The following HMCES variants were observed in gnomAD, a reference collection of about 807,000 sequenced individuals.
The protein encoded by HMCES is abasic site processing protein HMCES.
A neutral mutation model predicts 35.1 loss-of-function variants in HMCES; 27 were observed. That is an observed-to-expected ratio of 0.77 (90% CI 0.57 to 1.06). The LOEUF is 1.06. Among genes scored for constraint, HMCES ranks in the 50% least tolerant of loss-of-function variants. The pLI is 0.00. For synonymous variants in HMCES, 130 were observed against 154.7 expected (o/e 0.84, Z 1.18); for missense variants, 391 against 430.4 (o/e 0.91, Z 0.81).
chr3:129,303,393 CTTTTG>C (rs1245314054), intron 6 of HMCES, among the ~76,000 whole-genome samples: 4 of 152,118 alleles, frequency 2.6e-5, no homozygotes, highest in South Asian at 2.1e-4. Context: ...ATCTTTTTTT[CTTTTG>C]TTTTGATTCT....
At chr3:129,294,994 A>G (rs372944478) in intron 4 of HMCES, among the ~76,000 whole-genome samples, 14 of 152,132 alleles carry the variant, frequency 9.2e-5, no homozygotes, top group East Asian at 5.8e-4. Flanking sequence ...CATCTCTACT[A>G]AAAACACACA....
At chr3:129,296,386 T>C (rs1040184706) in intron 4 of HMCES, among the ~76,000 whole-genome samples, 42 of 152,176 alleles carry the variant, frequency 2.8e-4, no homozygotes, top group African/African-American at 9.9e-4. Context: ...TTAAGTTCAC[T>C]GAGTCTTTCT....
chr3:129,296,941 T>A (rs1020752841), intron 4 of HMCES, among the ~76,000 whole-genome samples: 43 of 152,120 alleles, frequency 2.8e-4, no homozygotes, highest in Non-Finnish European at 4.7e-4. Context: ...GGTTTCACCG[T>A]GTTAGCCAGG....
chr3:129,289,646 A>T (rs1218736443), intron 3 of HMCES, among the ~76,000 whole-genome samples: 1 of 151,804 alleles, frequency 6.6e-6, no homozygotes, highest in Non-Finnish European at 1.5e-5. Flanking sequence ...AAGTACTGGG[A>T]TTACAGGTGT....
Position 129,304,724 on chromosome 3 carries a change from A to G in HMCES, c.964A>G (p.Ser322Gly), listed in dbSNP as rs1463065344. 1 of 1,614,186 alleles carries G rather than the reference A, an allele frequency of 6.2e-7. No individual in the cohort carries two copies. The highest frequency in any genetic ancestry group is 8.5e-7 in the Non-Finnish European group (1 of 1,180,012). Reference sequence around the variant, plus strand: ...GTGGTCCAGTCAGTTCCTGCAGAAGAGTCCACTCCCCACCAAGAGAGGCAC... The same window carrying G: ...GTGGTCCAGTCAGTTCCTGCAGAAGGGTCCACTCCCCACCAAGAGAGGCAC... ...PQWSSQFLQK[S>G]PLPTKRGTAG... The change falls in exon 7 of 7, where the codon AGT becomes GGT. Residue 322 changes from serine to glycine, a missense_variant. By Grantham distance (56) the Ser-to-Gly change is moderately conservative (BLOSUM62 0). Transcript: ENST00000383463.
chr3:129,288,618 G>A (rs1169198915), intron 2 of HMCES, among the ~76,000 whole-genome samples: 1 of 150,766 alleles, frequency 6.6e-6, no homozygotes, highest in African/African-American at 2.4e-5. Flanking sequence ...GATGGCTTGA[G>A]CCAGGAGGTA....
chr3:129,286,603 C>A (rs1184194409), intron 2 of HMCES, among the ~76,000 whole-genome samples: 1 of 152,212 alleles, frequency 6.6e-6, no homozygotes, highest in Non-Finnish European at 1.5e-5. Context: ...TAAAACATTT[C>A]ATCAGCATTT....
intron 4 of HMCES, among the ~76,000 whole-genome samples, chr3:129,295,654 C>T (rs1218714954): frequency 6.6e-6 from 1 of 152,092 alleles, no homozygotes; most frequent in Non-Finnish European, 1.5e-5. Context: ...AAAAAATACA[C>T]TTCATTGTCT....
intron 4 of HMCES, among the ~76,000 whole-genome samples, chr3:129,291,360 T>C (rs775242733): frequency 7.2e-5 from 11 of 152,264 alleles, no homozygotes; most frequent in Non-Finnish European, 1.3e-4. Flanking sequence ...AGAAGGAAAC[T>C]ACATATCCAT....
Position 129,298,482 on chromosome 3 carries a change from C to T in HMCES, c.582C>T (p.Ser194=), listed in dbSNP as rs1263167019. Residue 194 remains serine, a synonymous_variant, in exon 5 of 7, where the codon TCC becomes TCT. Transcript: ENST00000383463. ...CAGAGGGAGGAGATGTCCTGTATTC[C>T]TATACCATCATCACAGTGGATTCCT... ...EPPEGGDVLY[S]YTIITVDSCK... is the part of the protein sequence containing the mutation. The T allele has an allele frequency of 1.9e-6, 3 of 1,614,124 alleles. No homozygotes were observed. Among genetic ancestry groups the T allele is most frequent in the Non-Finnish European group, 2.5e-6 (3 of 1,180,006 alleles).
chr3:129,288,931 T>C lies in HMCES; in HGVS notation c.261T>C (p.Pro87=). Residue 87 remains proline (P), a synonymous_variant, in exon 3 of 7, where the codon CCT becomes CCC. Coordinates refer to ENST00000383463, the MANE Select transcript of HMCES (RefSeq NM_020187.3). ...LVPSWFKESD[P]SKLQFNTTNC... ...CTTCTTGGTTCAAAGAAAGTGATCC[T>C]TCCAAGCTGCAGTTCAATACTACCA... 1 of 1,603,706 alleles carries C rather than the reference T, an allele frequency of 6.2e-7. No individual in the cohort carries two copies. The highest frequency in any genetic ancestry group is 8.5e-7 in the Non-Finnish European group (1 of 1,171,680).
chr3:129,292,622 A>C (rs2107692069), intron 4 of HMCES, among the ~76,000 whole-genome samples: 1 of 150,634 alleles, frequency 6.6e-6, no homozygotes, highest in African/African-American at 2.4e-5. Context: ...CCTCCCAAGT[A>C]GCTGGGACTA....
At chr3:129,282,778 T>C (rs1560072340) in intron 2 of HMCES, among the ~76,000 whole-genome samples, 1 of 152,204 alleles carries the variant, frequency 6.6e-6, no homozygotes, top group Non-Finnish European at 1.5e-5. Context: ...TGCAAATTAC[T>C]TCCTGTTTCA....
intron 2 of HMCES, among the ~76,000 whole-genome samples, chr3:129,284,688 G>A (rs1311837885): frequency 5.3e-5 from 8 of 152,108 alleles, no homozygotes; most frequent in African/African-American, 1.2e-4. Context: ...TGAGGCAGGC[G>A]GATCACTTGA....
chr3:129,294,265 A>C (rs1212324767), intron 4 of HMCES, among the ~76,000 whole-genome samples: 7 of 150,770 alleles, frequency 4.6e-5, no homozygotes, highest in Non-Finnish European at 8.9e-5. Context: ...TAAAAATACA[A>C]AAAAAAAATT....
At chr3:129,298,759 C>A (rs1262981579) in intron 5 of HMCES, among the ~76,000 whole-genome samples, 1 of 152,080 alleles carries the variant, frequency 6.6e-6, no homozygotes, top group Non-Finnish European at 1.5e-5. Context: ...GGAGACAACA[C>A]TTAAAATGTT....
intron 4 of HMCES, among the ~76,000 whole-genome samples, chr3:129,291,720 C>T (rs74548617): frequency 0.067 from 10,123 of 152,188 alleles, 1,091 homozygotes; most frequent in African/African-American, 0.23. Context: ...TGGATAGATG[C>T]CTAGGAGTGG....
At chr3:129,300,760 G>A (rs1175169396) in intron 5 of HMCES, among the ~76,000 whole-genome samples, 1 of 152,166 alleles carries the variant, frequency 6.6e-6, no homozygotes, top group Non-Finnish European at 1.5e-5. Flanking sequence ...GCCAGGCGCG[G>A]TGGCTCACAC....
rs1321138667 is a variant in HMCES at position 129,305,199 on chromosome 3, T to G, written c.*374T>G. ...GCTCAGCCACTGGGCTCTTTCACTT[T>G]TTTAGTTCTTAAAAATTTATTTTTA... is the stretch of plus-strand genomic sequence containing the variant. On this transcript the variant is annotated 3_prime_UTR_variant, in exon 7 of 7. Transcript: ENST00000383463. The G allele has an allele frequency of 5.2e-6, 1 of 191,158 alleles. No individual in the cohort carries two copies. The highest frequency in any genetic ancestry group is 1.1e-5 in the Non-Finnish European group (1 of 94,518). 11.8% of individuals were successfully genotyped at this position (191,158 alleles called of 1,614,324 possible).
Sources: gnomAD v4.1 joint callset for allele counts (sites outside exome capture counted in the v4.1 genomes callset) on GRCh38, gnomAD v4.1.1 for gene constraint, MANE v1.5 for transcripts, NCBI Gene and HGNC (gene_info 2026-07-23, HGNC 2026-07-21) for gene names.